PCNX1: variants seen among roughly 807,000 people sequenced by gnomAD.
PCNX1 encodes the protein pecanex 1.
In PCNX1, 78 loss-of-function variants were observed where a neutral mutation model predicts 242.2. The ratio of observed to expected loss-of-function variants is 0.32; its 90% CI spans 0.27 to 0.39. The LOEUF is 0.39. Ranked by LOEUF, PCNX1 falls within the 10% of genes least tolerant of loss-of-function variation. PCNX1 has a pLI of 1.00. For synonymous variants in PCNX1, 1,024 were observed against 1,032.9 expected, an observed-to-expected ratio of 0.99 and a Z score of 0.17; for missense variants, 2,581 against 2,856.5, an observed-to-expected ratio of 0.90 and a Z score of 2.20.
intron 2 of PCNX1, among the ~76,000 whole-genome samples, chr14:70,950,280 C>T (rs1269616710): frequency 6.6e-6 from 1 of 152,052 alleles, no homozygotes; most frequent in Non-Finnish European, 1.5e-5. Flanking sequence ...ATTATATTCC[C>T]AGTTCCAAAA....
chr14:70,982,648 T>C (rs2058871751), intron 6 of PCNX1, among the ~76,000 whole-genome samples: 1 of 152,196 alleles, frequency 6.6e-6, no homozygotes, highest in Non-Finnish European at 1.5e-5. Flanking sequence ...TTTGGCAAAA[T>C]TATCTTCCTT....
At chr14:71,083,032 G>T (rs2061894523) in intron 28 of PCNX1, among the ~76,000 whole-genome samples, 1 of 152,124 alleles carries the variant, frequency 6.6e-6, no homozygotes, top group Non-Finnish European at 1.5e-5. Flanking sequence ...AGGAGCTCTT[G>T]TAAGGGAGGC....
At chr14:71,074,993 T>C (rs2061678815) in intron 27 of PCNX1, among the ~76,000 whole-genome samples, 2 of 140,478 alleles carry the variant, frequency 1.4e-5, no homozygotes, top group Non-Finnish European at 3.1e-5. Flanking sequence ...TTCTTCTCTT[T>C]TTTTTTTTTT....
intron 15 of PCNX1, 187 bp downstream of exon 15, chr14:71,027,069 C>T (rs1289605291): frequency 2.2e-6 from 1 of 458,094 alleles, no homozygotes; most frequent in Non-Finnish European, 3.9e-6. Flanking sequence ...GTCAAGTCTG[C>T]TACTTTAGAG....
intron 8 of PCNX1, 81 bp downstream of exon 8, chr14:70,996,006 A>G: frequency 9.4e-7 from 1 of 1,063,288 alleles, no homozygotes; most frequent in Non-Finnish European, 1.4e-6. Context: ...TTCTTTTTTG[A>G]GATAGTTTCA....
intron 1 of PCNX1, among the ~76,000 whole-genome samples, chr14:70,925,909 C>T (rs1345613254): frequency 6.6e-6 from 1 of 151,764 alleles, no homozygotes; most frequent in African/African-American, 2.4e-5. Flanking sequence ...CATCACCCTC[C>T]ACCATCATAC....
chr14:70,979,287 A>G (rs1342018231), intron 6 of PCNX1, among the ~76,000 whole-genome samples: 6 of 152,180 alleles, frequency 3.9e-5, no homozygotes, highest in African/African-American at 1.4e-4. Context: ...GTATCCATTA[A>G]TTGATGTAAG....
At chr14:70,910,220 T>C (rs1016910039) in intron 1 of PCNX1, among the ~76,000 whole-genome samples, 1 of 74,142 alleles carries the variant, frequency 1.3e-5, no homozygotes. Context: ...CTCCTCCTCC[T>C]CCTCCTCCTC....
chr14:71,053,916 C>A lies in PCNX1; in HGVS notation c.4578-1588C>A, dbSNP rs1010692237. The stretch of plus-strand genomic sequence containing the variant: ...AGCTGGATTCTTGTATCTACCTGTA[C>A]ATTCAGTCAGGTGCAGTATATTGTT... On this transcript the variant is annotated intron_variant, in intron 24 of 35. Transcript: ENST00000304743. Among the ~76,000 whole-genome samples, 21 of 152,096 alleles carry A rather than the reference C, an allele frequency of 1.4e-4. No individual in the cohort carries two copies. The East Asian group carries it at 3.9e-3, about 28-fold the overall frequency.
At chr14:71,075,688 G>A (rs939293238) in intron 27 of PCNX1, among the ~76,000 whole-genome samples, 20 of 152,080 alleles carry the variant, frequency 1.3e-4, no homozygotes, top group African/African-American at 4.1e-4. Context: ...CTTGAGGTCA[G>A]GAGTTCAAGA....
chr14:70,925,261 T>A (rs1053399452), intron 1 of PCNX1, among the ~76,000 whole-genome samples: 1 of 152,240 alleles, frequency 6.6e-6, no homozygotes, highest in African/African-American at 2.4e-5. Flanking sequence ...AGTGCTGGGA[T>A]TACAAGCATG....
chr14:70,974,713 T>C (rs952682158), intron 5 of PCNX1, among the ~76,000 whole-genome samples: 3 of 152,242 alleles, frequency 2.0e-5, no homozygotes, highest in African/African-American at 7.2e-5. Context: ...CCAGATTGCT[T>C]TAAGAAGGTT....
chr14:71,068,347 T>C (rs1255015370), intron 26 of PCNX1, among the ~76,000 whole-genome samples: 1 of 151,070 alleles, frequency 6.6e-6, no homozygotes, highest in African/African-American at 2.4e-5. Context: ...TATATATATG[T>C]GTATATATAT....
At chr14:70,983,552 C>T (rs927937631) in intron 6 of PCNX1, among the ~76,000 whole-genome samples, 2 of 152,164 alleles carry the variant, frequency 1.3e-5, no homozygotes, top group African/African-American at 2.4e-5. Flanking sequence ...ATCCGCCCAC[C>T]TCGGCCTCCC....
intron 5 of PCNX1, among the ~76,000 whole-genome samples, chr14:70,975,342 C>CAG (rs10701193): frequency 0.56 from 84,588 of 151,670 alleles, 24,952 homozygotes; most frequent in East Asian, 0.74. Context: ...TAATAAAGAA[C>CAG]GGGTTTTACT....
chr14:70,915,939 G>C (rs1402600384), intron 1 of PCNX1, among the ~76,000 whole-genome samples: 2 of 152,140 alleles, frequency 1.3e-5, no homozygotes, highest in African/African-American at 2.4e-5. Context: ...CAAGGATGAA[G>C]GGATAAAGGA....
chr14:71,060,973 AGTCT>A (rs1352150842), intron 26 of PCNX1, among the ~76,000 whole-genome samples: 1 of 152,196 alleles, frequency 6.6e-6, no homozygotes, highest in Non-Finnish European at 1.5e-5. Context: ...GTGAGTGGTG[AGTCT>A]GTAAATGCTG....
At chr14:70,950,740 G>A (rs1400888533) in intron 2 of PCNX1, among the ~76,000 whole-genome samples, 3 of 151,836 alleles carry the variant, frequency 2.0e-5, no homozygotes, top group Non-Finnish European at 4.4e-5. Context: ...CTAGTGAAAT[G>A]GAGGTATTTT....
intron 13 of PCNX1, 68 bp from the exon 14 acceptor site, chr14:71,026,049 G>A (rs780028364): frequency 1.8e-4 from 173 of 965,502 alleles, no homozygotes; most frequent in Non-Finnish European, 2.5e-4. Flanking sequence ...AAAGCCATCA[G>A]TGATACCAGT....
Sources: gnomAD v4.1 joint callset for allele counts (sites outside exome capture counted in the v4.1 genomes callset) on GRCh38, gnomAD v4.1.1 for gene constraint, MANE v1.5 for transcripts, NCBI Gene and HGNC (gene_info 2026-07-23, HGNC 2026-07-21) for gene names.